Variants in MARCHF1 observed in about 807,000 individuals in gnomAD.
MARCHF1 encodes the protein membrane associated ring-CH-type finger 1.
In MARCHF1, 40 loss-of-function variants were observed where a neutral mutation model predicts 54.2. The observed-to-expected ratio is 0.74, with a 90% confidence interval of 0.57 to 0.96. The LOEUF is 0.96. Ranked by LOEUF, MARCHF1 falls within the 40% of genes least tolerant of loss-of-function variation. The pLI is 0.00. For missense variants in MARCHF1, 586 were observed against 656.5 expected, an observed-to-expected ratio of 0.89 and a Z score of 1.17; for synonymous variants, 236 against 236.3, an observed-to-expected ratio of 1.00 and a Z score of 0.01.
At chr4:164,240,831 T>C (rs1243503826) in intron 1 of MARCHF1, among the ~76,000 whole-genome samples, 1 of 152,048 alleles carries the variant, frequency 6.6e-6, no homozygotes, top group Non-Finnish European at 1.5e-5. Flanking sequence ...ATTCCTTGTT[T>C]GGGGACTGAA....
chr4:163,949,809 G>T (rs190373136), intron 3 of MARCHF1, among the ~76,000 whole-genome samples: 3 of 152,018 alleles, frequency 2.0e-5, no homozygotes, highest in Non-Finnish European at 4.4e-5. Flanking sequence ...TTGCAGGCAG[G>T]TTGTCCTGTC....
Position 163,810,967 on chromosome 4 carries a change from C to T in MARCHF1, c.111+43054G>A, listed in dbSNP as rs1908289. Reference sequence around the variant, plus strand: ...GTGGCTGGTGGTAAATATTGCTGTTCGTGAGAGGTACTTTTTGTTGTTGTT... The same window carrying T: ...GTGGCTGGTGGTAAATATTGCTGTTTGTGAGAGGTACTTTTTGTTGTTGTT... On this transcript the variant is annotated intron_variant, in intron 4 of 9. Coordinates refer to ENST00000514618, the MANE Select transcript of MARCHF1 (RefSeq NM_001394959.1). Among the ~76,000 whole-genome samples, 978 of 151,756 alleles carry T rather than the reference C, an allele frequency of 6.4e-3. 8 individuals carry two copies. Among genetic ancestry groups the T allele is most frequent in the African/African-American group, 0.022 (904 of 41,460 alleles).
At chr4:163,998,850 T>A (rs553711350) in intron 2 of MARCHF1, among the ~76,000 whole-genome samples, 1 of 151,774 alleles carries the variant, frequency 6.6e-6, no homozygotes, top group Non-Finnish European at 1.5e-5. Context: ...TCTTTATTCA[T>A]CCACTGATGG....
At chr4:163,989,539 A>G (rs143977620) in intron 2 of MARCHF1, among the ~76,000 whole-genome samples, 3 of 152,292 alleles carry the variant, frequency 2.0e-5, no homozygotes, top group Non-Finnish European at 4.4e-5. Flanking sequence ...TTGCTTTTCC[A>G]TAAAGGAAAC....
intron 4 of MARCHF1, among the ~76,000 whole-genome samples, chr4:163,721,203 A>T (rs1403229218): frequency 1.3e-5 from 2 of 152,184 alleles, no homozygotes; most frequent in Admixed American, 1.3e-4. Flanking sequence ...GATATGTCCC[A>T]TCAATACCTA....
intron 1 of MARCHF1, among the ~76,000 whole-genome samples, chr4:164,150,478 TA>T (rs1466562030): frequency 2.0e-5 from 3 of 152,134 alleles, no homozygotes. Context: ...AGGTATTCTT[TA>T]AAAAAGCAGC....
chr4:163,540,681 G>C (rs1457755554), intron 9 of MARCHF1, among the ~76,000 whole-genome samples: 1 of 152,170 alleles, frequency 6.6e-6, no homozygotes, highest in East Asian at 1.9e-4. Flanking sequence ...AACCTTGGTA[G>C]TTTTACAAAT....
At chr4:164,339,317 A>G (rs533525447) in intron 1 of MARCHF1, among the ~76,000 whole-genome samples, 1 of 152,302 alleles carries the variant, frequency 6.6e-6, no homozygotes, top group Admixed American at 6.5e-5. Context: ...GACAGATAAT[A>G]TATGTTGGGC....
At chr4:164,309,730 T>C (rs539557261) in intron 1 of MARCHF1, among the ~76,000 whole-genome samples, 34 of 152,280 alleles carry the variant, frequency 2.2e-4, no homozygotes, top group African/African-American at 7.2e-4. Flanking sequence ...TCAAGGTCAA[T>C]AGAATAAGAC....
In MARCHF1 at chr4:163,612,411, T is replaced by G; in HGVS notation, c.870A>C (p.Ser290=). The G allele has an allele frequency of 6.5e-7, 1 of 1,535,508 alleles. No individual in the cohort carries two copies. The highest frequency in any genetic ancestry group is 2.0e-5 in the Admixed American group (1 of 50,966). ...RKNEIMKKTF[S]ETDSSTEILG... is the part of the protein sequence containing the mutation. Reference sequence around the variant, plus strand: ...GTATTTCAGTGCTGGAATCTGTTTCTGAAAATGTCTTCTTCATTATTTCAT... The same window carrying G: ...GTATTTCAGTGCTGGAATCTGTTTCGGAAAATGTCTTCTTCATTATTTCAT... The change falls in exon 7 of 10, where the codon TCA becomes TCC. Residue 290 remains serine (S), a synonymous_variant. Transcript: ENST00000514618.
At chr4:164,093,869 A>T (rs1267324679) in intron 2 of MARCHF1, among the ~76,000 whole-genome samples, 1 of 152,080 alleles carries the variant, frequency 6.6e-6, no homozygotes, top group African/African-American at 2.4e-5. Flanking sequence ...GAGTTGCTTT[A>T]TCTTTTCTTC....
At chr4:163,693,608 G>C (rs1302659707) in intron 5 of MARCHF1, among the ~76,000 whole-genome samples, 1 of 151,270 alleles carries the variant, frequency 6.6e-6, no homozygotes, top group Non-Finnish European at 1.5e-5. Flanking sequence ...TAGTGTTCTG[G>C]ATCAAGGCCA....
chr4:163,829,289 G>A (rs888503352), intron 4 of MARCHF1, among the ~76,000 whole-genome samples: 3 of 152,282 alleles, frequency 2.0e-5, no homozygotes, highest in African/African-American at 2.4e-5. Context: ...ATCTTGAAAA[G>A]GGCCGGATGG....
At chr4:164,254,945 G>A (rs1460660315) in intron 1 of MARCHF1, among the ~76,000 whole-genome samples, 1 of 152,156 alleles carries the variant, frequency 6.6e-6, no homozygotes, top group African/African-American at 2.4e-5. Flanking sequence ...CAAGTTGACA[G>A]TATTAACCAT....
intron 1 of MARCHF1, among the ~76,000 whole-genome samples, chr4:164,324,734 A>G (rs7667004): frequency 0.017 from 2,591 of 151,530 alleles, 68 homozygotes; most frequent in African/African-American, 0.059. Flanking sequence ...CAACAAAAAT[A>G]TAAAATCTTT....
intron 1 of MARCHF1, among the ~76,000 whole-genome samples, chr4:164,349,240 AAAGTT>A (rs1057031537): frequency 2.0e-5 from 3 of 152,206 alleles, no homozygotes; most frequent in Non-Finnish European, 1.5e-5. Context: ...AAATGAATTG[AAAGTT>A]AATTCTACTT....
intron 1 of MARCHF1, among the ~76,000 whole-genome samples, chr4:164,320,022 T>A (rs185427340): frequency 3.3e-5 from 5 of 152,330 alleles, no homozygotes; most frequent in Admixed American, 3.3e-4. Flanking sequence ...CACAATTTTA[T>A]GCTTTATGCA....
In MARCHF1 at chr4:163,528,552, G is replaced by A. The variant is rs772164462; in HGVS notation, c.*196C>T. 1.1e-5 allele frequency: 6 copies of A among 557,696 alleles called. No individual in the cohort carries two copies. Among genetic ancestry groups the A allele is most frequent in the South Asian group, 7.5e-5 (3 of 39,800 alleles). 34.5% of individuals were successfully genotyped at this position (557,696 alleles called of 1,614,324 possible). On this transcript the variant is annotated 3_prime_UTR_variant, in exon 10 of 10. Transcript: ENST00000514618. ...ATTTCCATATCATACTTTACTTTAC[G>A]CTATTACTTCATGGGCTCCTGGGCA... is the stretch of plus-strand genomic sequence containing the variant.
At position 163,625,580 on chromosome 4, in the gene MARCHF1, A is replaced by T. The variant is rs950334571; in HGVS notation, c.163-12187T>A. Among the ~76,000 whole-genome samples, 3 of 152,346 alleles carry T rather than the reference A, an allele frequency of 2.0e-5. No homozygotes were observed. The South Asian group carries it at 6.2e-4, about 32-fold the overall frequency. On this transcript the variant is annotated intron_variant, in intron 5 of 9. Coordinates refer to ENST00000514618, the MANE Select transcript of MARCHF1 (RefSeq NM_001394959.1). ...TGATTGCAGTAGAGATAGAGATGAC[A>T]ATCGCATCACAGCGAACAAAAAAGA...
Sources: allele counts gnomAD v4.1 joint callset (sites outside exome capture counted in the v4.1 genomes callset), GRCh38; gene constraint gnomAD v4.1.1; transcripts MANE v1.5; gene names NCBI Gene and HGNC (gene_info 2026-07-23, HGNC 2026-07-21).